The following PAQR5 variants were observed in gnomAD, a reference collection of about 807,000 sequenced individuals.
The protein encoded by PAQR5 is progestin and adipoQ receptor family member 5.
In PAQR5, 20 loss-of-function variants were observed where a neutral mutation model predicts 34.5. That is an observed-to-expected ratio of 0.58 (90% CI 0.41 to 0.84). PAQR5 has a LOEUF of 0.84. Ranked by LOEUF, PAQR5 falls within the 40% of genes least tolerant of loss-of-function variation. PAQR5 has a pLI of 0.00. For synonymous variants in PAQR5, 131 were observed against 155.6 expected (o/e 0.84, Z 1.18); for missense variants, 378 against 412.7 (o/e 0.92, Z 0.73).
intron 1 of PAQR5, among the ~76,000 whole-genome samples, chr15:69,336,783 T>A (rs1362808074): frequency 1.3e-5 from 2 of 152,228 alleles, no homozygotes; most frequent in African/African-American, 4.8e-5. Context: ...TGTATAAATA[T>A]GTTATTAGTA....
At chr15:69,308,554 C>T (rs562171771) in intron 1 of PAQR5, among the ~76,000 whole-genome samples, 56 of 152,072 alleles carry the variant, frequency 3.7e-4, no homozygotes, top group Non-Finnish European at 6.0e-4. Context: ...ACACACACCC[C>T]CTCCCTGCTT....
chr15:69,333,883 G>A (rs1163312386), intron 1 of PAQR5, among the ~76,000 whole-genome samples: 5 of 152,174 alleles, frequency 3.3e-5, no homozygotes, highest in Non-Finnish European at 5.9e-5. Flanking sequence ...TGTTGTGTGT[G>A]TGTGTGTGTG....
At chr15:69,359,488 T>C (rs1478602970) in intron 2 of PAQR5, among the ~76,000 whole-genome samples, 1 of 152,016 alleles carries the variant, frequency 6.6e-6, no homozygotes, top group Admixed American at 6.6e-5. Flanking sequence ...AGGGTCGTGA[T>C]TGATTGATCG....
chr15:69,332,416 T>C (rs1460516005), intron 1 of PAQR5, among the ~76,000 whole-genome samples: 1 of 152,178 alleles, frequency 6.6e-6, no homozygotes, highest in Non-Finnish European at 1.5e-5. Context: ...TACTTTCTCT[T>C]GGTTTCTGCC....
intron 3 of PAQR5, among the ~76,000 whole-genome samples, chr15:69,376,603 G>A (rs527459890): frequency 6.6e-5 from 10 of 152,238 alleles, no homozygotes; most frequent in South Asian, 2.1e-4. Flanking sequence ...TCCTGTATCC[G>A]TCCATTTATT....
At chr15:69,338,633 A>T (rs2140715088) in intron 2 of PAQR5, among the ~76,000 whole-genome samples, 1 of 152,328 alleles carries the variant, frequency 6.6e-6, no homozygotes, top group Admixed American at 6.5e-5. Context: ...GCCTTCTCCT[A>T]TCTTCATAGC....
intron 1 of PAQR5, among the ~76,000 whole-genome samples, chr15:69,301,730 G>A (rs958017847): frequency 3.3e-5 from 5 of 151,984 alleles, no homozygotes; most frequent in African/African-American, 1.2e-4. Flanking sequence ...CCTGGTTGGC[G>A]GTAAGTCCTT....
At chr15:69,335,859 A>T (rs148977626) in intron 1 of PAQR5, among the ~76,000 whole-genome samples, 8 of 152,310 alleles carry the variant, frequency 5.3e-5, no homozygotes, top group Non-Finnish European at 1.2e-4. Flanking sequence ...TTATGGTCAG[A>T]CTAATTACAA....
At chr15:69,322,811 G>GAA (rs1566998179) in intron 1 of PAQR5, among the ~76,000 whole-genome samples, 725 of 25,370 alleles carry the variant, frequency 0.029, 274 homozygotes, top group African/African-American at 0.064. Flanking sequence ...AAGAGGAAGA[G>GAA]GAAGAAGAAG....
intron 3 of PAQR5, among the ~76,000 whole-genome samples, chr15:69,361,991 G>A (rs1595894760): frequency 6.6e-6 from 1 of 152,196 alleles, no homozygotes; most frequent in East Asian, 1.9e-4. Context: ...TGGGGGTAGA[G>A]GTTATGGGAG....
At chr15:69,320,434 T>C (rs1458604457) in intron 1 of PAQR5, among the ~76,000 whole-genome samples, 1 of 119,982 alleles carries the variant, frequency 8.3e-6, no homozygotes, top group Non-Finnish European at 2.1e-5. Context: ...TGGATGTCCA[T>C]TCAGAGAGGT....
chr15:69,389,638 G>T lies in PAQR5; in HGVS notation c.386-16G>T, dbSNP rs2056201251. On this transcript the variant is annotated splice_polypyrimidine_tract_variant and intron_variant, in intron 5 of 8. Coordinates refer to ENST00000395407, the MANE Select transcript of PAQR5 (RefSeq NM_017705.4). ...AAGGCCTGGCTCCTCTCCCAAGGCT[G>T]GCTTTTCTTCCCCAGGCTCAGCCAT... 6 of 1,614,050 alleles carry T rather than the reference G, an allele frequency of 3.7e-6. No homozygotes were observed. The highest frequency in any genetic ancestry group is 5.1e-6 in the Non-Finnish European group (6 of 1,179,950).
At chr15:69,374,767 C>G (rs1291133803) in intron 3 of PAQR5, among the ~76,000 whole-genome samples, 1 of 152,220 alleles carries the variant, frequency 6.6e-6, no homozygotes, top group Admixed American at 6.5e-5. Flanking sequence ...AACACCTCAT[C>G]AGACTCCCCG....
At chr15:69,301,465 T>C (rs2053603713) in intron 1 of PAQR5, among the ~76,000 whole-genome samples, 1 of 152,070 alleles carries the variant, frequency 6.6e-6, no homozygotes, top group Non-Finnish European at 1.5e-5. Flanking sequence ...CCTCTGGGGG[T>C]AAGAATTGGA....
intron 1 of PAQR5, among the ~76,000 whole-genome samples, chr15:69,322,081 T>A (rs2054109987): frequency 1.3e-5 from 2 of 150,642 alleles, no homozygotes; most frequent in African/African-American, 4.9e-5. Context: ...GGCTTATGCC[T>A]GTAATCCCAG....
At position 69,385,430 on chromosome 15, in the gene PAQR5, G is replaced by A. The variant is rs1364848532; in HGVS notation, c.385+548G>A. Among the ~76,000 whole-genome samples, 1 of 152,186 alleles carries A rather than the reference G, an allele frequency of 6.6e-6. No homozygotes were observed. On this transcript the variant is annotated intron_variant, in intron 5 of 8. Coordinates refer to ENST00000395407, the MANE Select transcript of PAQR5 (RefSeq NM_017705.4). This position sits in a 1 kb window ranked among gnomAD's most constrained non-coding sequence, Gnocchi z 4.7. ...GGCAAGAAGAGGAGGGTGAGGTCAT[G>A]AGCCTCGTATATCCAGAGGCTTAGC...
At chr15:69,352,827 A>T (rs1439941744) in intron 2 of PAQR5, among the ~76,000 whole-genome samples, 1 of 152,258 alleles carries the variant, frequency 6.6e-6, no homozygotes, top group East Asian at 1.9e-4. Flanking sequence ...TATGGAAGAA[A>T]CATGACTGGA....
intron 1 of PAQR5, among the ~76,000 whole-genome samples, chr15:69,331,092 C>T (rs553534324): frequency 2.0e-5 from 3 of 152,312 alleles, no homozygotes; most frequent in South Asian, 4.1e-4. Context: ...CGTTCCTTAA[C>T]TGTAGCCCTA....
intron 5 of PAQR5, among the ~76,000 whole-genome samples, chr15:69,386,830 G>C (rs2056124518): frequency 6.6e-6 from 1 of 152,020 alleles, no homozygotes; most frequent in Non-Finnish European, 1.5e-5. Context: ...AGAGCCATGA[G>C]ACCAGAACTG....
Sources: allele counts gnomAD v4.1 joint callset (sites outside exome capture counted in the v4.1 genomes callset), GRCh38; gene constraint gnomAD v4.1.1; non-coding constraint Gnocchi (gnomAD v3.1); transcripts MANE v1.5; gene names NCBI Gene and HGNC (gene_info 2026-07-23, HGNC 2026-07-21).